TET1: variants seen among roughly 807,000 people sequenced by gnomAD.
TET1 encodes methylcytosine dioxygenase TET1.
TET1 carries 13 observed loss-of-function variants against 148.7 expected under a neutral mutation model. The ratio of observed to expected loss-of-function variants is 0.09; its 90% confidence interval spans 0.06 to 0.14. The LOEUF (loss-of-function observed/expected upper bound fraction) is 0.14. Ranked by LOEUF, TET1 falls within the 10% of genes least tolerant of loss-of-function variation. The probability of loss-of-function intolerance (pLI) is 1.00; values close to 1 mark genes in which losing one functional copy is unlikely to be tolerated. For missense variants in TET1, 2,182 were observed against 2,553.8 expected, an observed-to-expected ratio of 0.85 and a Z score of 3.14; for synonymous variants, 907 against 937.2, an observed-to-expected ratio of 0.97 and a Z score of 0.59.
intron 3 of TET1, among the ~76,000 whole-genome samples, chr10:68,615,875 G>A (rs1188340230): frequency 2.0e-5 from 3 of 152,028 alleles, no homozygotes; most frequent in Non-Finnish European, 4.4e-5. Context: ...TCGAACTCCC[G>A]ACCTCAGGTG....
At chr10:68,621,378 G>A (rs543530001) in intron 3 of TET1, among the ~76,000 whole-genome samples, 1 of 152,274 alleles carries the variant, frequency 6.6e-6, no homozygotes, top group East Asian at 1.9e-4. Context: ...GAGCTCAGGA[G>A]TTTGAGACTA....
intron 3 of TET1, among the ~76,000 whole-genome samples, chr10:68,615,428 C>T (rs190542002): frequency 4.6e-4 from 70 of 151,174 alleles, no homozygotes; most frequent in African/African-American, 1.6e-3. Flanking sequence ...TCACTGCAAC[C>T]TCCACCTCCC....
intron 7 of TET1, among the ~76,000 whole-genome samples, chr10:68,672,207 C>G (rs1351155719): frequency 6.6e-6 from 1 of 151,880 alleles, no homozygotes; most frequent in Non-Finnish European, 1.5e-5. Flanking sequence ...GATTTAAAAA[C>G]CAGGTTCTGT....
intron 6 of TET1, among the ~76,000 whole-genome samples, chr10:68,664,412 T>C (rs984212820): frequency 2.1e-5 from 3 of 142,212 alleles, no homozygotes; most frequent in Non-Finnish European, 4.5e-5. Flanking sequence ...TTTATTTTTT[T>C]ATTTTTTTTA....
chr10:68,577,653 C>A (rs1442986863), intron 2 of TET1, among the ~76,000 whole-genome samples: 1 of 151,990 alleles, frequency 6.6e-6, no homozygotes, highest in Non-Finnish European at 1.5e-5. Context: ...ACTAAAAATA[C>A]AAAAAATAGC....
At chr10:68,624,982 C>T (rs1370016106) in intron 3 of TET1, among the ~76,000 whole-genome samples, 1 of 151,926 alleles carries the variant, frequency 6.6e-6, no homozygotes, top group Non-Finnish European at 1.5e-5. Flanking sequence ...GATCTGCCCG[C>T]CTCGGCCTCC....
At chr10:68,631,815 G>T (rs1349603265) in intron 3 of TET1, among the ~76,000 whole-genome samples, 2 of 151,934 alleles carry the variant, frequency 1.3e-5, no homozygotes, top group African/African-American at 4.8e-5. Context: ...TTTCTTTAAG[G>T]GGTAACATTT....
intron 2 of TET1, among the ~76,000 whole-genome samples, chr10:68,584,776 A>G (rs1376534106): frequency 6.6e-6 from 1 of 152,126 alleles, no homozygotes; most frequent in African/African-American, 2.4e-5. Context: ...AGTATACTAT[A>G]GCAGCTAGTA....
At chr10:68,663,942 C>G (rs2055158073) in intron 6 of TET1, among the ~76,000 whole-genome samples, 1 of 152,148 alleles carries the variant, frequency 6.6e-6, no homozygotes, top group South Asian at 2.1e-4. Flanking sequence ...CTGCAGTTGC[C>G]TCTTGGAAAT....
In TET1 at chr10:68,646,727, G is replaced by A. The variant is rs147498630; in HGVS notation, c.3998G>A (p.Arg1333Lys). ...GTTAAGGAGCAACTCATGCATCAGAGACTGCCAACATTGCCTGGTATCTCT... is the reference window on the plus strand; with the variant it reads ...GTTAAGGAGCAACTCATGCATCAGAAACTGCCAACATTGCCTGGTATCTCT... ...QVVKEQLMHQRLPTLPGISHE... is the reference protein window; with the variant it reads ...QVVKEQLMHQKLPTLPGISHE... Residue 1333 changes from arginine (R) to lysine (K), a missense_variant, in exon 4 of 12, where the codon AGA becomes AAA. Arg to Lys is a conservative substitution (Grantham distance 26). Transcript: ENST00000373644. 252 of 1,614,124 alleles carry A rather than the reference G, an allele frequency of 1.6e-4. No individual in the cohort carries two copies. In the African/African-American group the frequency reaches 3.0e-3, roughly 19 times the overall value.
At position 68,672,925 on chromosome 10, in the gene TET1, A is replaced by G; in HGVS notation, c.4704A>G (p.Pro1568=). ...CCTGTACATGTCAAGGAATTGATCCAGAGACTTGTGGAGCTTCATTCTCTT... is the reference window on the plus strand; with the variant it reads ...CCTGTACATGTCAAGGAATTGATCCGGAGACTTGTGGAGCTTCATTCTCTT... The part of the protein sequence containing the change: ...NRTCTCQGID[P]ETCGASFSFG... Residue 1568 remains proline, a synonymous_variant, in exon 8 of 12, where the codon CCA becomes CCG. Coordinates refer to ENST00000373644, the MANE Select transcript of TET1 (RefSeq NM_030625.3). 1 of 1,610,578 alleles carries G rather than the reference A, an allele frequency of 6.2e-7. No homozygotes were observed. The highest frequency in any genetic ancestry group is 2.2e-5 in the East Asian group (1 of 44,814).
At chr10:68,647,713 G>A (rs1260149140) in intron 4 of TET1, among the ~76,000 whole-genome samples, 1 of 152,140 alleles carries the variant, frequency 6.6e-6, no homozygotes, top group Non-Finnish European at 1.5e-5. Flanking sequence ...TTTTGTGTGT[G>A]TGAGATAGAA....
At chr10:68,561,948 C>T (rs955833395) in intron 1 of TET1, among the ~76,000 whole-genome samples, 1 of 152,120 alleles carries the variant, frequency 6.6e-6, no homozygotes, top group East Asian at 1.9e-4. Context: ...ATTAACCAAC[C>T]TTTCTGCATA....
chr10:68,604,290 A>G (rs2054095148), intron 3 of TET1, among the ~76,000 whole-genome samples: 1 of 152,180 alleles, frequency 6.6e-6, no homozygotes, highest in African/African-American at 2.4e-5. Flanking sequence ...ATTGTTAGTC[A>G]TTGTCCCTGG....
intron 8 of TET1, among the ~76,000 whole-genome samples, chr10:68,676,031 A>AT (rs1392364802): frequency 6.6e-6 from 1 of 150,844 alleles, no homozygotes; most frequent in Non-Finnish European, 1.5e-5. Flanking sequence ...AATTTTTGGT[A>AT]TTTTTAGTAG....
chr10:68,581,670 C>T (rs1308035585), intron 2 of TET1, among the ~76,000 whole-genome samples: 1 of 151,996 alleles, frequency 6.6e-6, no homozygotes, highest in African/African-American at 2.4e-5. Flanking sequence ...GGTGAAACCC[C>T]GTTTCTCCAA....
intron 8 of TET1, among the ~76,000 whole-genome samples, chr10:68,677,359 T>C (rs999433864): frequency 6.6e-6 from 1 of 152,126 alleles, no homozygotes; most frequent in Non-Finnish European, 1.5e-5. Context: ...AAAAAATCCG[T>C]AAAGGGCACC....
rs528233201 is a variant in TET1 at position 68,574,107 on chromosome 10, G to A, written c.1769G>A (p.Arg590Gln). 7.4e-6 allele frequency: 12 copies of A among 1,614,098 alleles called. No homozygotes were observed. Among genetic ancestry groups the A allele is most frequent in the South Asian group, 4.4e-5 (4 of 91,090 alleles). ...ACTTTGGAAAAGAAGAAAAGAAAGC[G>A]ATGTGGGGTCTGTGAACCCTGCCAG... Reference protein sequence around the residue: ...LPTLEKKKRKRCGVCEPCQQK... With the variant: ...LPTLEKKKRKQCGVCEPCQQK... Residue 590 changes from arginine (R) to glutamine (Q), a missense_variant, in exon 2 of 12, where the codon CGA (arginine) becomes CAA (glutamine). Transcript: ENST00000373644.
rs780685930 is a variant in TET1 at position 68,691,046 on chromosome 10, T to C, written c.5643T>C (p.Cys1881=). The C allele has an allele frequency of 6.2e-7, 1 of 1,614,212 alleles. No individual in the cohort carries two copies. The highest frequency in any genetic ancestry group is 1.1e-5 in the South Asian group (1 of 91,084). Residue 1881 remains cysteine (C), a synonymous_variant, in exon 12 of 12, where the codon TGT becomes TGC. Coordinates refer to ENST00000373644, the MANE Select transcript of TET1 (RefSeq NM_030625.3). This position sits in a 1 kb window ranked among gnomAD's most constrained non-coding sequence, Gnocchi z 4.4. ...GFSERSSTPH[C]TMPSGRLSGA... ...CAGAAAGAAGCAGCACTCCCCACTG[T>C]ACGATGCCTTCGGGAAGACTCAGTG... is the stretch of plus-strand genomic sequence containing the variant.
Sources: gnomAD v4.1 joint callset for allele counts (sites outside exome capture counted in the v4.1 genomes callset) on GRCh38, gnomAD v4.1.1 for gene constraint, Gnocchi (gnomAD v3.1) non-coding constraint, MANE v1.5 for transcripts, NCBI Gene and HGNC (gene_info 2026-07-23, HGNC 2026-07-21) for gene names.